Variants in CERS1 observed in about 807,000 individuals in gnomAD.
CERS1 encodes the protein ceramide synthase 1, also known as Embryonic growth/differentiation factor 1.
CERS1 carries 16 observed loss-of-function variants against 35.7 expected under a neutral mutation model. The ratio of observed to expected loss-of-function variants is 0.45; its 90% CI spans 0.30 to 0.68. The LOEUF (loss-of-function observed/expected upper bound fraction) is 0.68. Among genes scored for constraint, CERS1 ranks in the 30% least tolerant of loss-of-function variants. The pLI is 0.08. For missense variants in CERS1, 454 were observed against 453.9 expected, an observed-to-expected ratio of 1.00 and a Z score of 0.00; for synonymous variants, 243 against 201.6, an observed-to-expected ratio of 1.21 and a Z score of -1.74.
chr19:18,879,493 T>C lies in CERS1; in HGVS notation c.753-105A>G. ...CCACCCTTGCCCCCTTATCCCATCC[T>C]TGCCCACCTCTGCCCACCTGTTTCT... On this transcript the variant is annotated intron_variant, in intron 4 of 7. Coordinates refer to ENST00000623882, the MANE Select transcript of CERS1 (RefSeq NM_021267.5). 3 of 1,356,882 alleles carry C rather than the reference T, an allele frequency of 2.2e-6. No individual in the cohort carries two copies. In the South Asian group the frequency reaches 4.2e-5, roughly 19 times the overall value. 84.1% of individuals were successfully genotyped at this position (1,356,882 alleles called of 1,614,324 possible). A position where few individuals can be genotyped will look rare whatever the true frequency, so the allele number is the denominator to read the frequency against.
chr19:18,874,125 C>G (rs925534078), intron 6 of CERS1, among the ~76,000 whole-genome samples: 1 of 152,166 alleles, frequency 6.6e-6, no homozygotes, highest in Non-Finnish European at 1.5e-5. Context: ...GAGAGAGGGA[C>G]TGTTGTCCAC....
chr19:18,890,003 G>A (rs931268395), intron 2 of CERS1, among the ~76,000 whole-genome samples: 1 of 152,164 alleles, frequency 6.6e-6, no homozygotes, highest in African/African-American at 2.4e-5. Flanking sequence ...TCAGGCTCCA[G>A]CTCCTGCTGT....
At chr19:18,892,254 C>T (rs2056508705) in intron 2 of CERS1, among the ~76,000 whole-genome samples, 2 of 152,184 alleles carry the variant, frequency 1.3e-5, no homozygotes, top group South Asian at 4.2e-4. Flanking sequence ...CTCCCACCTC[C>T]ATAGGGCAGC....
chr19:18,882,490 G>A (rs983047770), intron 3 of CERS1, among the ~76,000 whole-genome samples: 2 of 151,328 alleles, frequency 1.3e-5, no homozygotes, highest in South Asian at 2.1e-4. Context: ...ATAATTAGCC[G>A]GTGTGATGTC....
In CERS1 at chr19:18,895,912, T is replaced by C; in HGVS notation, c.161A>G (p.His54Arg). ...LARRGLAEHA[H>R]LAPPELLLLA... ...CAGCAGCAGCTCGGGCGGCGCCAGG[T>C]GCGCGTGCTCAGCCAGGCCGCGACG... Residue 54 changes from histidine (H) to arginine (R), a missense_variant, in exon 1 of 8, where the codon CAC (histidine) becomes CGC (arginine). Transcript: ENST00000623882. This position sits in a 1 kb window ranked among gnomAD's most constrained non-coding sequence, Gnocchi z 6.4. 1 of 1,246,734 alleles carries C rather than the reference T, an allele frequency of 8.0e-7. No individual in the cohort carries two copies. The highest frequency in any genetic ancestry group is 2.3e-5 in the South Asian group (1 of 44,300). 77.2% of individuals were successfully genotyped at this position (1,246,734 alleles called of 1,614,324 possible). A position where few individuals can be genotyped will look rare whatever the true frequency, so the allele number is the denominator to read the frequency against.
intron 2 of CERS1, among the ~76,000 whole-genome samples, chr19:18,892,969 T>A (rs942268791): frequency 1.3e-5 from 2 of 151,978 alleles, no homozygotes. Flanking sequence ...CAGGCTGGAG[T>A]GCAGTGGCGC....
Position 18,869,055 on chromosome 19 carries a change from G to A in CERS1, c.*930C>T. On this transcript the variant is annotated 3_prime_UTR_variant, in exon 8 of 8. Coordinates refer to ENST00000623882, the MANE Select transcript of CERS1 (RefSeq NM_021267.5). ...CGCGCGCAGGCGGCAGGGGCCCGGG[G>A]GCGTAGCGCCAGCGCCAGGCGGAGG... 2.8e-6 allele frequency: 3 copies of A among 1,063,074 alleles called. No individual in the cohort carries two copies. Among genetic ancestry groups the A allele is most frequent in the Non-Finnish European group, 3.4e-6 (3 of 881,046 alleles). 65.9% of individuals were successfully genotyped at this position (1,063,074 alleles called of 1,614,324 possible). A position where few individuals can be genotyped will look rare whatever the true frequency, so the allele number is the denominator to read the frequency against.
Position 18,871,613 on chromosome 19 carries a change from G to A in CERS1, c.1011-994C>T, listed in dbSNP as rs149179858. Among the ~76,000 whole-genome samples, 247 of 152,214 alleles carry A rather than the reference G, an allele frequency of 1.6e-3. 1 individual carries two copies. The highest frequency in any genetic ancestry group is 4.7e-3 in the African/African-American group (196 of 41,544). On this transcript the variant is annotated intron_variant, in intron 6 of 7. Transcript: ENST00000623882. ...TGTCCAGGCTGGTCTCAAACTCCTG[G>A]GCTCAAGCAGTCAGCCCTCCTCCGC... is the stretch of plus-strand genomic sequence containing the variant.
chr19:18,885,511 G>GTTTTTTTTTTTT (rs59793456), intron 2 of CERS1, among the ~76,000 whole-genome samples: 1 of 22,122 alleles, frequency 4.5e-5, no homozygotes, highest in African/African-American at 1.1e-4. Context: ...GCCCCTTCTC[G>GTTTTTTTTTTTT]TTTTTTTTTT....
At chr19:18,879,187 G>T in intron 5 of CERS1, 54 bp downstream of exon 5, 1 of 1,609,444 alleles carries the variant, frequency 6.2e-7, no homozygotes. Flanking sequence ...GAGGGGACAG[G>T]GATTGGGACG....
intron 1 of CERS1, 89 bp from the exon 2 acceptor site, chr19:18,893,664 C>T: frequency 7.3e-7 from 1 of 1,364,986 alleles, no homozygotes; most frequent in Non-Finnish European, 1.0e-6. Flanking sequence ...CCAGGGACTC[C>T]CCAGGCCGGG....
rs1473200602 is a variant in CERS1 at position 18,896,096 on chromosome 19, C to G, written c.-24G>C. ...ATACCGCCCGCTCGCCCGCCGTGCC[C>G]GTCGCCTGCGCCCGCCCGCGGTAGC... On this transcript the variant is annotated 5_prime_UTR_variant, in exon 1 of 8. Transcript: ENST00000623882. This position sits in a 1 kb window ranked among gnomAD's most constrained non-coding sequence, Gnocchi z 5.9. 19 of 908,010 alleles carry G rather than the reference C, an allele frequency of 2.1e-5. No homozygotes were observed. Among genetic ancestry groups the G allele is most frequent in the Non-Finnish European group, 2.5e-5 (19 of 761,990 alleles). The allele number at this position is 908,010 out of a possible 1,614,324, so 56.2% of individuals were successfully genotyped here.
intron 6 of CERS1, among the ~76,000 whole-genome samples, chr19:18,876,923 G>C (rs1190205811): frequency 6.6e-6 from 1 of 152,170 alleles, no homozygotes; most frequent in African/African-American, 2.4e-5. Flanking sequence ...CATGCTGCAG[G>C]TGGCATCTGT....
rs886786707 is a variant in CERS1 at position 18,870,266 on chromosome 19, G to T, written c.*311C>A. On this transcript the variant is annotated 3_prime_UTR_variant, in exon 7 of 8. Transcript: ENST00000623882. This position sits in a 1 kb window ranked among gnomAD's most constrained non-coding sequence, Gnocchi z 5.1. ...AGGGCAGCAGCAGGGCCAGGAGGAG[G>T]AGGAGGTGGTGGCCGCAGGGACCTT... is the stretch of plus-strand genomic sequence containing the variant. 1 of 1,550,942 alleles carries T rather than the reference G, an allele frequency of 6.4e-7. No individual in the cohort carries two copies. The highest frequency in any genetic ancestry group is 2.4e-5 in the East Asian group (1 of 41,806).
chr19:18,873,270 C>G (rs147702658), intron 6 of CERS1, among the ~76,000 whole-genome samples: 2 of 152,106 alleles, frequency 1.3e-5, no homozygotes, highest in East Asian at 3.9e-4. Flanking sequence ...GAGAATGGCA[C>G]TCAGGGGAGC....
chr19:18,890,602 A>AC (rs770494004), intron 2 of CERS1, among the ~76,000 whole-genome samples: 35 of 150,910 alleles, frequency 2.3e-4, no homozygotes, highest in African/African-American at 6.6e-4. Context: ...ACATAGTGAG[A>AC]CCCCATCTCT....
At chr19:18,877,913 G>C (rs973023072) in intron 6 of CERS1, 1 of 958,396 alleles carries the variant, frequency 1.0e-6, no homozygotes, top group South Asian at 4.8e-5. Flanking sequence ...CAAAAGTCTT[G>C]AGTCGTCTTT....
Position 18,869,295 on chromosome 19 carries a change from G to C in CERS1, c.*690C>G. 1 of 1,512,716 alleles carries C rather than the reference G, an allele frequency of 6.6e-7. No individual in the cohort carries two copies. The highest frequency in any genetic ancestry group is 8.8e-7 in the Non-Finnish European group (1 of 1,137,970). The allele number at this position is 1,512,716 out of a possible 1,614,324, so 93.7% of individuals were successfully genotyped here. Reference sequence around the variant, plus strand: ...AGCTCCAGGCGGGCCCGGCTCGGGCGCTCAGCGGGTTCCACAGCCGACAGG... The same window carrying C: ...AGCTCCAGGCGGGCCCGGCTCGGGCCCTCAGCGGGTTCCACAGCCGACAGG... On this transcript the variant is annotated 3_prime_UTR_variant, in exon 8 of 8. Coordinates refer to ENST00000623882, the MANE Select transcript of CERS1 (RefSeq NM_021267.5).
rs1317044631 is a variant in CERS1, at chr19:18,895,432, AGC to A, written c.249+390_249+391del. On this transcript the variant is annotated intron_variant, in intron 1 of 7. Coordinates refer to ENST00000623882, the MANE Select transcript of CERS1 (RefSeq NM_021267.5). The surrounding 1 kb of genome is among the most constrained non-coding windows in gnomAD (Gnocchi z 6.4). ...TGTCTGGCTCGGCCCTGCCGGAAAG[AGC>A]GCGCGGTGGCCGGAGCCATCCACCG... is the stretch of plus-strand genomic sequence containing the variant. Among the ~76,000 whole-genome samples the A allele has an allele frequency of 6.6e-6, 1 of 151,816 alleles. No individual in the cohort carries two copies. The highest frequency in any genetic ancestry group is 6.5e-5 in the Admixed American group (1 of 15,268).
Sources: gnomAD v4.1 joint callset for allele counts (sites outside exome capture counted in the v4.1 genomes callset) on GRCh38, gnomAD v4.1.1 for gene constraint, Gnocchi (gnomAD v3.1) non-coding constraint, MANE v1.5 for transcripts, NCBI Gene and HGNC (gene_info 2026-07-23, HGNC 2026-07-21) for gene names.